The following KCNIP1 variants were observed in gnomAD, a reference collection of about 807,000 sequenced individuals.
The protein encoded by KCNIP1 is potassium voltage-gated channel interacting protein 1.
Under a neutral mutation model 33.0 loss-of-function variants are expected in KCNIP1, and 18 were observed. That is an observed-to-expected ratio of 0.55 (90% CI 0.38 to 0.81). The LOEUF (loss-of-function observed/expected upper bound fraction) is 0.81, where lower values mean the gene tolerates loss of function less well. Among genes scored for constraint, KCNIP1 ranks in the 30% least tolerant of loss-of-function variants. The pLI is 0.00. For synonymous variants in KCNIP1, 93 were observed against 98.3 expected, an observed-to-expected ratio of 0.95 and a Z score of 0.32; for missense variants, 238 against 271.6, an observed-to-expected ratio of 0.88 and a Z score of 0.87.
intron 1 of KCNIP1, among the ~76,000 whole-genome samples, chr5:170,488,320 G>A (rs190042833): frequency 1.3e-5 from 2 of 152,286 alleles, no homozygotes; most frequent in East Asian, 1.9e-4. Context: ...TTCTCGAAGG[G>A]CAGAGGCATG....
intron 1 of KCNIP1, among the ~76,000 whole-genome samples, chr5:170,535,552 T>C (rs1300801051): frequency 6.6e-6 from 1 of 151,844 alleles, no homozygotes; most frequent in East Asian, 1.9e-4. Flanking sequence ...CCTCAGAGGC[T>C]CCCTCCTGCT....
At chr5:170,431,658 T>C (rs1162947762) in intron 1 of KCNIP1, among the ~76,000 whole-genome samples, 1 of 152,196 alleles carries the variant, frequency 6.6e-6, no homozygotes. Context: ...CTCATTTCCT[T>C]CTCAGCCAAG....
chr5:170,715,235 A>G (rs1297261656), intron 1 of KCNIP1, among the ~76,000 whole-genome samples: 1 of 152,218 alleles, frequency 6.6e-6, no homozygotes, highest in Non-Finnish European at 1.5e-5. Flanking sequence ...CATACAGCCT[A>G]GGTGTGTAGC....
rs1260496630 is a variant in KCNIP1, at chr5:170,622,479, G to C, written c.62-96279G>C. Among the ~76,000 whole-genome samples the C allele has an allele frequency of 2.6e-5, 4 of 152,006 alleles. No homozygotes were observed. The East Asian group carries it at 7.7e-4, about 29-fold the overall frequency. The stretch of plus-strand genomic sequence containing the variant: ...TCTACTAAAAATACAAAAATTAGCT[G>C]GGTGTGGTGGTGAGCACCCATAATC... On this transcript the variant is annotated intron_variant, in intron 1 of 7. Transcript: ENST00000328939.
At chr5:170,648,385 C>T (rs1270921054) in intron 1 of KCNIP1, among the ~76,000 whole-genome samples, 1 of 152,180 alleles carries the variant, frequency 6.6e-6, no homozygotes, top group African/African-American at 2.4e-5. Context: ...ACCAAGATGT[C>T]CTTCAGTGAG....
intron 1 of KCNIP1, among the ~76,000 whole-genome samples, chr5:170,523,777 T>C (rs957636049): frequency 6.6e-6 from 1 of 152,110 alleles, no homozygotes; most frequent in Non-Finnish European, 1.5e-5. Flanking sequence ...ACGTGTCTCC[T>C]CCAGCCCATT....
rs563202014 is a variant in KCNIP1 at position 170,493,882 on chromosome 5, C to A, written c.88+139918C>A. 2.6e-5 allele frequency among the ~76,000 whole-genome samples: 4 copies of A among 152,210 alleles called. No homozygotes were observed. In the South Asian group the frequency reaches 6.2e-4, roughly 24 times the overall value. On this transcript the variant is annotated intron_variant, in intron 1 of 7. Transcript: ENST00000377360. ...TAGTGCATACTCCACTCTCTCTCCA[C>A]GGAACTGTGAGCTTTCTAAGGGCCA...
chr5:170,617,723 C>A (rs1318012026), intron 1 of KCNIP1, among the ~76,000 whole-genome samples: 2 of 152,320 alleles, frequency 1.3e-5, no homozygotes, highest in East Asian at 1.9e-4. Context: ...TCTGGGCTAA[C>A]TTTTGTAGCC....
intron 1 of KCNIP1, among the ~76,000 whole-genome samples, chr5:170,551,293 C>T (rs559557450): frequency 2.2e-4 from 34 of 152,176 alleles, no homozygotes; most frequent in Non-Finnish European, 4.1e-4. Flanking sequence ...TCTGTATAAC[C>T]CTCACCACTT....
chr5:170,370,412 T>A (rs1763813546), intron 1 of KCNIP1, among the ~76,000 whole-genome samples: 1 of 152,192 alleles, frequency 6.6e-6, no homozygotes, highest in African/African-American at 2.4e-5. Flanking sequence ...CCCAAAGTCA[T>A]GAACAAGGCA....
chr5:170,464,558 A>C (rs556244078), intron 1 of KCNIP1, among the ~76,000 whole-genome samples: 2 of 152,310 alleles, frequency 1.3e-5, no homozygotes, highest in East Asian at 3.9e-4. Flanking sequence ...TCAAAACCTC[A>C]CAACAATGCA....
At chr5:170,667,828 TC>T (rs1761764196) in intron 1 of KCNIP1, among the ~76,000 whole-genome samples, 1 of 152,226 alleles carries the variant, frequency 6.6e-6, no homozygotes, top group Non-Finnish European at 1.5e-5. Flanking sequence ...TTAATATTAC[TC>T]GAGTTACTGT....
chr5:170,486,211 G>A (rs1433379988), intron 1 of KCNIP1: 1 of 152,254 alleles, frequency 6.6e-6, no homozygotes, highest in African/African-American at 2.4e-5. Flanking sequence ...ACAGCCGGAG[G>A]TGGGGACAAC....
At chr5:170,498,560 G>T (rs972399494) in intron 1 of KCNIP1, among the ~76,000 whole-genome samples, 1 of 152,162 alleles carries the variant, frequency 6.6e-6, no homozygotes, top group African/African-American at 2.4e-5. Context: ...GCAATGAGGA[G>T]ATGATTTGAT....
At chr5:170,522,985 A>C (rs948285737) in intron 1 of KCNIP1, among the ~76,000 whole-genome samples, 7 of 152,222 alleles carry the variant, frequency 4.6e-5, no homozygotes, top group African/African-American at 1.7e-4. Context: ...CTTAGTAGGA[A>C]TTATAATTAC....
At chr5:170,565,324 C>T (rs1757169708) in intron 1 of KCNIP1, among the ~76,000 whole-genome samples, 1 of 152,148 alleles carries the variant, frequency 6.6e-6, no homozygotes, top group African/African-American at 2.4e-5. Context: ...ATGGAGTCAC[C>T]ATGGATGTGA....
At chr5:170,633,263 G>T (rs1033474875) in intron 1 of KCNIP1, among the ~76,000 whole-genome samples, 1 of 152,106 alleles carries the variant, frequency 6.6e-6, no homozygotes, top group African/African-American at 2.4e-5. Context: ...GTCAGGGGAG[G>T]AGGGGACCGC....
chr5:170,685,027 G>A (rs1483914541), intron 1 of KCNIP1, among the ~76,000 whole-genome samples: 1 of 151,900 alleles, frequency 6.6e-6, no homozygotes, highest in Non-Finnish European at 1.5e-5. Flanking sequence ...CACCATCAAG[G>A]TTTATAATGC....
At chr5:170,557,686 T>G (rs1038234707) in intron 1 of KCNIP1, among the ~76,000 whole-genome samples, 2 of 152,014 alleles carry the variant, frequency 1.3e-5, no homozygotes, top group Non-Finnish European at 2.9e-5. Context: ...GAGGAAGCAG[T>G]TTGTACAAAG....
Sources: gnomAD v4.1 joint callset for allele counts (sites outside exome capture counted in the v4.1 genomes callset) on GRCh38, gnomAD v4.1.1 for gene constraint, MANE v1.5 for transcripts, NCBI Gene and HGNC (gene_info 2026-07-23, HGNC 2026-07-21) for gene names.